Variants in BTG3 observed in about 807,000 individuals in gnomAD.
BTG3 encodes BTG anti-proliferation factor 3.
A neutral mutation model predicts 25.8 loss-of-function variants in BTG3; 4 were observed. The ratio of observed to expected loss-of-function variants is 0.16; its 90% CI spans 0.08 to 0.36. The LOEUF (loss-of-function observed/expected upper bound fraction) is 0.36, where lower values mean the gene tolerates loss of function less well. Among genes scored for constraint, BTG3 ranks in the 10% least tolerant of loss-of-function variants. BTG3 has a pLI of 1.00. For synonymous variants in BTG3, 107 were observed against 99.9 expected, an observed-to-expected ratio of 1.07 and a Z score of -0.42; for missense variants, 201 against 304.9, an observed-to-expected ratio of 0.66 and a Z score of 2.54.
intron 1 of BTG3, among the ~76,000 whole-genome samples, chr21:17,609,845 T>C (rs139228527): frequency 0.017 from 2,651 of 152,282 alleles, 75 homozygotes; most frequent in African/African-American, 0.059. Flanking sequence ...TGAGTACTAA[T>C]ACAAGCTACA....
intron 3 of BTG3, chr21:17,604,144 CATA>C: frequency 7.8e-7 from 1 of 1,283,184 alleles, no homozygotes; most frequent in Non-Finnish European, 1.0e-6. Flanking sequence ...CAGTCACTTA[CATA>C]ATCAAAAAGG....
chr21:17,605,674 C>A (rs2061630303), intron 2 of BTG3, among the ~76,000 whole-genome samples: 1 of 152,106 alleles, frequency 6.6e-6, no homozygotes, highest in Non-Finnish European at 1.5e-5. Context: ...AAGCCTCTGT[C>A]CCATCTTTTT....
chr21:17,600,789 T>C (rs368415462), intron 3 of BTG3, among the ~76,000 whole-genome samples: 11 of 152,210 alleles, frequency 7.2e-5, no homozygotes, highest in South Asian at 2.1e-4. Flanking sequence ...TCCATTCCTA[T>C]AGGCCAAATG....
At chr21:17,609,280 C>T (rs1414824077) in intron 1 of BTG3, 128 bp from the exon 2 acceptor site, 11 of 900,890 alleles carry the variant, frequency 1.2e-5, no homozygotes, top group African/African-American at 1.7e-5. Context: ...ATTTCTTTGG[C>T]TTATATCTGA....
intron 1 of BTG3, chr21:17,612,354 G>A (rs1020828753): frequency 2.0e-5 from 3 of 152,248 alleles, no homozygotes; most frequent in Admixed American, 2.0e-4. Context: ...ACACCGACGC[G>A]AAGGGGGTGG....
At position 17,604,181 on chromosome 21, in the gene BTG3, C is replaced by T. The variant is rs777124860; in HGVS notation, c.311+679G>A. The T allele has an allele frequency of 4.2e-5, 53 of 1,258,540 alleles. No individual in the cohort carries two copies. Among genetic ancestry groups the T allele is most frequent in the South Asian group, 1.1e-4 (8 of 75,764 alleles). The allele number at this position is 1,258,540 out of a possible 1,614,324, so 78.0% of individuals were successfully genotyped here. On this transcript the variant is annotated intron_variant, in intron 3 of 4. Transcript: ENST00000348354. ...GGAGGAGGCCGGGCGCAGTGGCTCA[C>T]GCCTGTAATCCAGCGCTTTGGGAGG...
chr21:17,593,931 AT>A lies in BTG3; in HGVS notation c.*161del, dbSNP rs2061468755. The A allele has an allele frequency of 3.2e-6, 3 of 949,176 alleles. No individual in the cohort carries two copies. The highest frequency in any genetic ancestry group is 1.7e-5 in the African/African-American group (1 of 59,460). 58.8% of individuals were successfully genotyped at this position (949,176 alleles called of 1,614,324 possible). A position where few individuals can be genotyped will look rare whatever the true frequency, so the allele number is the denominator to read the frequency against. ...CTATATCAATATCTAAAGTGCATAT[AT>A]TTTTTAAGAAAGATTATTCTCAATA... On this transcript the variant is annotated 3_prime_UTR_variant, in exon 5 of 5. Transcript: ENST00000348354.
Position 17,594,079 on chromosome 21 carries a change from A to G in BTG3, c.*14T>C. ...CTTTTTCTCAACATGACACCAACAC[A>G]ATCAAAAACGAAGTTAGTGAGGTGC... On this transcript the variant is annotated 3_prime_UTR_variant, in exon 5 of 5. Transcript: ENST00000348354. 1 of 1,610,752 alleles carries G rather than the reference A, an allele frequency of 6.2e-7. No individual in the cohort carries two copies. The highest frequency in any genetic ancestry group is 8.5e-7 in the Non-Finnish European group (1 of 1,178,004).
chr21:17,604,648 G>A (rs905824934), intron 3 of BTG3, among the ~76,000 whole-genome samples: 3 of 152,114 alleles, frequency 2.0e-5, no homozygotes, highest in Non-Finnish European at 4.4e-5. Flanking sequence ...GAAAACCCCC[G>A]CCTAATCAGT....
chr21:17,601,032 G>GACA (rs1415255662), intron 3 of BTG3, among the ~76,000 whole-genome samples: 1 of 152,132 alleles, frequency 6.6e-6, no homozygotes, highest in Non-Finnish European at 1.5e-5. Context: ...GCATGGTGGT[G>GACA]TGCGCCTGTA....
Position 17,598,598 on chromosome 21 carries a change from G to A in BTG3, c.519+19C>T. On this transcript the variant is annotated intron_variant, in intron 4 of 4. Coordinates refer to ENST00000348354, the MANE Select transcript of BTG3 (RefSeq NM_006806.5). ...AATCCCTGCACATCCCTTTAAAACTGAGCTGTTTTCATGGTTACCTGGTAC... is the reference window on the plus strand; with the variant it reads ...AATCCCTGCACATCCCTTTAAAACTAAGCTGTTTTCATGGTTACCTGGTAC... The A allele has an allele frequency of 6.2e-7, 1 of 1,607,406 alleles. No homozygotes were observed. Among genetic ancestry groups the A allele is most frequent in the African/African-American group, 1.3e-5 (1 of 74,838 alleles).
intron 2 of BTG3, 51 bp from the exon 3 acceptor site, chr21:17,605,048 A>T: frequency 6.3e-7 from 1 of 1,584,404 alleles, no homozygotes; most frequent in Non-Finnish European, 8.6e-7. Flanking sequence ...TTAATCATAA[A>T]CGCCGTAATA....
Position 17,594,652 on chromosome 21 carries a change from T to TC in BTG3, c.520-321dup, listed in dbSNP as rs1285583142. Among the ~76,000 whole-genome samples, 3 of 152,204 alleles carry TC rather than the reference T, an allele frequency of 2.0e-5. No individual in the cohort carries two copies. In the East Asian group the frequency reaches 5.8e-4, roughly 29 times the overall value. ...ACATGCTTGTTTTAGTCCAGTGGTTTCCACAGCTGGCTAAGCCAGGAGTCA... is the reference window on the plus strand; with the variant it reads ...ACATGCTTGTTTTAGTCCAGTGGTTTCCCACAGCTGGCTAAGCCAGGAGTCA... On this transcript the variant is annotated intron_variant, in intron 4 of 4. Coordinates refer to ENST00000348354, the MANE Select transcript of BTG3 (RefSeq NM_006806.5).
chr21:17,605,627 T>C (rs1376579790), intron 2 of BTG3, among the ~76,000 whole-genome samples: 6 of 152,212 alleles, frequency 3.9e-5, no homozygotes, highest in East Asian at 3.8e-4. Context: ...ATTTAAATAG[T>C]TGTCAAAATT....
At position 17,609,725 on chromosome 21, in the gene BTG3, A is replaced by G. The variant is rs151247269; in HGVS notation, c.-8-573T>C. On this transcript the variant is annotated intron_variant, in intron 1 of 4. Coordinates refer to ENST00000348354, the MANE Select transcript of BTG3 (RefSeq NM_006806.5). The stretch of plus-strand genomic sequence containing the variant: ...CAAAACCTTGTACAGAAATGCCCAT[A>G]GCAGTATTCATAATAGCTAAAAAGT... Among the ~76,000 whole-genome samples, 629 of 152,368 alleles carry G rather than the reference A, an allele frequency of 4.1e-3. 15 individuals carry two copies. The highest frequency in any genetic ancestry group is 0.038 in the Admixed American group (585 of 15,306).
chr21:17,607,120 A>G (rs1248483262), intron 2 of BTG3, among the ~76,000 whole-genome samples: 3 of 152,212 alleles, frequency 2.0e-5, no homozygotes, highest in Non-Finnish European at 4.4e-5. Flanking sequence ...CTTCAAATAC[A>G]GCTTTAAAAT....
chr21:17,598,168 A>C (rs2061527489), intron 4 of BTG3, among the ~76,000 whole-genome samples: 1 of 152,150 alleles, frequency 6.6e-6, no homozygotes, highest in South Asian at 2.1e-4. Context: ...TAAAGCAAAA[A>C]GGGAGACAAT....
chr21:17,599,486 T>TG (rs1449406571), intron 3 of BTG3, among the ~76,000 whole-genome samples: 1 of 150,130 alleles, frequency 6.7e-6, no homozygotes, highest in Admixed American at 6.6e-5. Flanking sequence ...TTTTTTTTTT[T>TG]TTTTTTTTGA....
chr21:17,598,885 C>T lies in BTG3; in HGVS notation c.312-61G>A. On this transcript the variant is annotated intron_variant, in intron 3 of 4. Coordinates refer to ENST00000348354, the MANE Select transcript of BTG3 (RefSeq NM_006806.5). ...TCACATCAGCAAAGCAAAAAATGTC[C>T]ATAAAAACAAAGAGATCTGGACATG... 4 of 1,372,526 alleles carry T rather than the reference C, an allele frequency of 2.9e-6. No homozygotes were observed. The South Asian group carries it at 5.3e-5, about 18-fold the overall frequency. The allele number at this position is 1,372,526 out of a possible 1,614,324, so 85.0% of individuals were successfully genotyped here. A position where few individuals can be genotyped will look rare whatever the true frequency, so the allele number is the denominator to read the frequency against.
Sources: gnomAD v4.1 joint callset for allele counts (sites outside exome capture counted in the v4.1 genomes callset) on GRCh38, gnomAD v4.1.1 for gene constraint, MANE v1.5 for transcripts, NCBI Gene and HGNC (gene_info 2026-07-23, HGNC 2026-07-21) for gene names.